CTIF: variants seen among roughly 807,000 people sequenced by gnomAD.
CTIF encodes CBP80/20-dependent translation initiation factor.
A neutral mutation model predicts 66.0 loss-of-function variants in CTIF; 21 were observed. The ratio of observed to expected loss-of-function variants is 0.32; its 90% CI spans 0.23 to 0.46. The LOEUF is 0.46. Ranked by LOEUF, CTIF falls within the 20% of genes least tolerant of loss-of-function variation. The pLI is 1.00. For synonymous variants in CTIF, 345 were observed against 326.4 expected, an observed-to-expected ratio of 1.06 and a Z score of -0.62; for missense variants, 739 against 812.7, an observed-to-expected ratio of 0.91 and a Z score of 1.10.
intron 1 of CTIF, among the ~76,000 whole-genome samples, chr18:48,616,227 G>A (rs900533158): frequency 4.6e-5 from 7 of 152,212 alleles, no homozygotes. Context: ...AATAATGGGC[G>A]TGGCCTTGTG....
intron 9 of CTIF, among the ~76,000 whole-genome samples, chr18:48,786,284 G>A (rs1233648480): frequency 2.6e-5 from 4 of 152,162 alleles, no homozygotes; most frequent in African/African-American, 9.7e-5. Context: ...TAGTCCTGGG[G>A]ATCCAGGCTG....
chr18:48,821,207 C>G (rs2068476870), intron 10 of CTIF, among the ~76,000 whole-genome samples: 1 of 152,230 alleles, frequency 6.6e-6, no homozygotes, highest in Admixed American at 6.5e-5. Flanking sequence ...TGGAAGTGTC[C>G]TCTGTCCTTA....
At position 48,711,679 on chromosome 18, in the gene CTIF, A is replaced by G; in HGVS notation, c.568A>G (p.Arg190Gly). ...ACACACCAAGAAGCTGTTCCGCAGG[A>G]GGAGAAATGATCGAAGGTAGGAGAG... ...IAHTKKLFRRRRNDRRRQQRP... is the reference protein window; with the variant it reads ...IAHTKKLFRRGRNDRRRQQRP... Residue 190 changes from arginine (R) to glycine (G), a missense_variant, in exon 7 of 12, where the codon AGG becomes GGG. This residue lies in a region of CTIF where 529 missense variants were observed against 520.3 expected (regional missense o/e 1.02). Coordinates refer to ENST00000256413, the MANE Select transcript of CTIF (RefSeq NM_014772.3). 1 of 1,614,008 alleles carries G rather than the reference A, an allele frequency of 6.2e-7. No individual in the cohort carries two copies. Among genetic ancestry groups the G allele is most frequent in the Non-Finnish European group, 8.5e-7 (1 of 1,179,924 alleles).
chr18:48,827,988 T>C (rs1599119939), intron 10 of CTIF, among the ~76,000 whole-genome samples: 1 of 150,820 alleles, frequency 6.6e-6, no homozygotes, highest in East Asian at 1.9e-4. Context: ...AGAACTGGAG[T>C]CTCCCACCCA....
At chr18:48,720,770 G>C (rs897729390) in intron 7 of CTIF, among the ~76,000 whole-genome samples, 15 of 152,172 alleles carry the variant, frequency 9.9e-5, no homozygotes, top group African/African-American at 3.4e-4. Flanking sequence ...TACAAATCAT[G>C]ATGGTCCCAA....
At chr18:48,743,035 G>GACA (rs1443486039) in intron 7 of CTIF, among the ~76,000 whole-genome samples, 2 of 152,178 alleles carry the variant, frequency 1.3e-5, no homozygotes, top group Non-Finnish European at 2.9e-5. Flanking sequence ...ACCCATAATG[G>GACA]ACAGTTGGTT....
At position 48,731,691 on chromosome 18, in the gene CTIF, G is replaced by T. The variant is rs192523681; in HGVS notation, c.584+19996G>T. Reference sequence around the variant, plus strand: ...AGAAGACCTCTTTAGTTTTTAGCGGGTTGGGACCAGAAACCCAATGGTCCC... The same window carrying T: ...AGAAGACCTCTTTAGTTTTTAGCGGTTTGGGACCAGAAACCCAATGGTCCC... On this transcript the variant is annotated intron_variant, in intron 7 of 11. Coordinates refer to ENST00000256413, the MANE Select transcript of CTIF (RefSeq NM_014772.3). Among the ~76,000 whole-genome samples the T allele has an allele frequency of 4.4e-3, 671 of 152,306 alleles. 3 individuals carry two copies. The highest frequency in any genetic ancestry group is 0.01 in the South Asian group (49 of 4,824).
At chr18:48,670,302 C>T (rs1172793292) in intron 5 of CTIF, among the ~76,000 whole-genome samples, 2 of 152,124 alleles carry the variant, frequency 1.3e-5, no homozygotes, top group African/African-American at 4.8e-5. Context: ...GCCTATGTGA[C>T]CTTGAGAAAG....
At chr18:48,783,000 C>T (rs963981748) in intron 9 of CTIF, among the ~76,000 whole-genome samples, 4 of 152,358 alleles carry the variant, frequency 2.6e-5, no homozygotes, top group African/African-American at 7.2e-5. Flanking sequence ...TCCCAGAACA[C>T]CCCAGATTAC....
intron 6 of CTIF, among the ~76,000 whole-genome samples, chr18:48,676,530 C>T (rs1260775702): frequency 1.3e-5 from 2 of 152,224 alleles, no homozygotes; most frequent in South Asian, 2.1e-4. Context: ...CCTGCCCCCA[C>T]ATTGCTGGCC....
At chr18:48,631,249 A>C (rs1241290429) in intron 2 of CTIF, among the ~76,000 whole-genome samples, 4 of 152,090 alleles carry the variant, frequency 2.6e-5, no homozygotes, top group Non-Finnish European at 4.4e-5. Context: ...GGATCACCTG[A>C]GCTCAGGAGT....
chr18:48,649,128 A>C (rs556225939), intron 3 of CTIF, among the ~76,000 whole-genome samples: 5 of 152,288 alleles, frequency 3.3e-5, no homozygotes, highest in African/African-American at 1.2e-4. Context: ...AGCCCACAGA[A>C]GGCAAGCTGA....
intron 1 of CTIF, among the ~76,000 whole-genome samples, chr18:48,547,224 G>A (rs1057103005): frequency 3.3e-5 from 5 of 152,184 alleles, no homozygotes; most frequent in African/African-American, 1.2e-4. Context: ...TTCCATCCAA[G>A]CCTTCATCTC....
At chr18:48,646,962 T>C (rs373272757) in intron 3 of CTIF, among the ~76,000 whole-genome samples, 9 of 142,524 alleles carry the variant, frequency 6.3e-5, no homozygotes, top group African/African-American at 2.0e-4. Flanking sequence ...GATTGAGCAA[T>C]TGCACTCCTG....
chr18:48,582,256 C>T (rs909971560), intron 1 of CTIF, among the ~76,000 whole-genome samples: 1 of 151,708 alleles, frequency 6.6e-6, no homozygotes, highest in Non-Finnish European at 1.5e-5. Flanking sequence ...CGGCAGGGGG[C>T]AGGAGGCATG....
chr18:48,570,307 G>A (rs112816297), intron 1 of CTIF, among the ~76,000 whole-genome samples: 4,665 of 152,324 alleles, frequency 0.031, 91 homozygotes, highest in Middle Eastern at 0.044. Context: ...ATCTGGGACC[G>A]AGGAAATGGG....
intron 10 of CTIF, among the ~76,000 whole-genome samples, chr18:48,821,906 C>T (rs2068490974): frequency 6.6e-6 from 1 of 152,206 alleles, no homozygotes; most frequent in East Asian, 1.9e-4. Flanking sequence ...TATCCATAGC[C>T]ATAATGTTGT....
At chr18:48,661,266 C>G (rs2091341244) in intron 3 of CTIF, among the ~76,000 whole-genome samples, 1 of 152,188 alleles carries the variant, frequency 6.6e-6, no homozygotes, top group Admixed American at 6.5e-5. Context: ...TTTAACAGAT[C>G]AGGGATTAGG....
intron 7 of CTIF, among the ~76,000 whole-genome samples, chr18:48,753,136 T>A (rs1011030474): frequency 1.6e-4 from 24 of 152,008 alleles, no homozygotes; most frequent in Admixed American, 6.5e-5. Flanking sequence ...TGGGCAGGAG[T>A]GGAGGTGCCT....
Sources: allele counts gnomAD v4.1 joint callset (sites outside exome capture counted in the v4.1 genomes callset), GRCh38; gene constraint gnomAD v4.1.1; regional missense constraint gnomAD v4.1.1; transcripts MANE v1.5; gene names NCBI Gene and HGNC (gene_info 2026-07-23, HGNC 2026-07-21).